Variants in LRP5 observed in about 807,000 individuals in gnomAD.
LRP5 encodes LDL receptor related protein 5, also known as low-density lipoprotein receptor-related protein 5.
Under a neutral mutation model 154.1 loss-of-function variants are expected in LRP5, and 62 were observed. The ratio of observed to expected loss-of-function variants is 0.40; its 90% CI spans 0.33 to 0.50. The LOEUF is 0.50. LRP5 is among the 20% of genes least tolerant of loss of function. The pLI is 0.55. For missense variants in LRP5, 1,915 were observed against 2,336.7 expected (o/e 0.82, Z 3.72); for synonymous variants, 966 against 1,011.5 (o/e 0.96, Z 0.85).
At chr11:68,388,460 G>A (rs866310458) in intron 6 of LRP5, among the ~76,000 whole-genome samples, 9 of 152,038 alleles carry the variant, frequency 5.9e-5, no homozygotes, top group African/African-American at 1.9e-4. Flanking sequence ...GAGGGGCACC[G>A]AGCTGGAAGC....
At chr11:68,365,819 T>A (rs544413464) in intron 5 of LRP5, 117 bp downstream of exon 5, 2 of 1,062,674 alleles carry the variant, frequency 1.9e-6, no homozygotes, top group South Asian at 3.2e-5. Context: ...AATGATCCAC[T>A]TGGCGGGTGT....
intron 5 of LRP5, among the ~76,000 whole-genome samples, chr11:68,369,222 A>G (rs1389508122): frequency 6.6e-6 from 1 of 151,986 alleles, no homozygotes; most frequent in East Asian, 1.9e-4. Flanking sequence ...TGTTTTTGCC[A>G]TTTCTGAGTC....
intron 1 of LRP5, among the ~76,000 whole-genome samples, chr11:68,344,350 G>A (rs186897521): frequency 2.0e-5 from 3 of 151,700 alleles, no homozygotes; most frequent in Admixed American, 1.3e-4. Flanking sequence ...ATGGAGTCTC[G>A]CTCTGTCACC....
intron 1 of LRP5, 124 bp from the exon 2 acceptor site, chr11:68,347,723 G>A: frequency 4.2e-6 from 5 of 1,196,544 alleles, no homozygotes; most frequent in Non-Finnish European, 6.1e-6. Flanking sequence ...TGGGAGGAAG[G>A]AACTGGAGGT....
intron 1 of LRP5, among the ~76,000 whole-genome samples, chr11:68,319,269 C>T (rs536026631): frequency 4.7e-4 from 71 of 151,936 alleles, no homozygotes; most frequent in African/African-American, 1.4e-3. Context: ...GGTTTTGCCA[C>T]GTTGGCCAGG....
At chr11:68,371,618 C>T (rs1034855049) in intron 5 of LRP5, among the ~76,000 whole-genome samples, 5 of 152,388 alleles carry the variant, frequency 3.3e-5, no homozygotes, top group Middle Eastern at 3.4e-3. Flanking sequence ...ATTGGTATTG[C>T]GGCCGTGCGC....
chr11:68,350,623 T>A (rs1176329175), intron 2 of LRP5, among the ~76,000 whole-genome samples: 1 of 152,218 alleles, frequency 6.6e-6, no homozygotes, highest in Non-Finnish European at 1.5e-5. Context: ...ATCCTGCAGA[T>A]GCCCCTCCTC....
chr11:68,329,241 C>T (rs2098601408), intron 1 of LRP5, among the ~76,000 whole-genome samples: 1 of 152,212 alleles, frequency 6.6e-6, no homozygotes, highest in Non-Finnish European at 1.5e-5. Flanking sequence ...ATCTAGACTT[C>T]ATAGACAAAA....
At chr11:68,339,912 C>G (rs2098607951) in intron 1 of LRP5, among the ~76,000 whole-genome samples, 1 of 152,140 alleles carries the variant, frequency 6.6e-6, no homozygotes, top group Non-Finnish European at 1.5e-5. Flanking sequence ...GAGGCACTAC[C>G]AGGCTGTTTT....
chr11:68,315,301 C>T lies in LRP5; in HGVS notation c.91+2496C>T, dbSNP rs537073249. Reference sequence around the variant, plus strand: ...TGTCAGCGTCCTCGATCTTTCTGGCCCCAGCCGGTCTAGAGGCTGTTATTA... The same window carrying T: ...TGTCAGCGTCCTCGATCTTTCTGGCTCCAGCCGGTCTAGAGGCTGTTATTA... On this transcript the variant is annotated intron_variant, in intron 1 of 22. Transcript: ENST00000294304. Among the ~76,000 whole-genome samples, 19 of 152,336 alleles carry T rather than the reference C, an allele frequency of 1.2e-4. No homozygotes were observed. The South Asian group carries it at 3.9e-3, about 32-fold the overall frequency.
At position 68,396,497 on chromosome 11, in the gene LRP5, C is replaced by A. The variant is rs2153158960; in HGVS notation, c.1584+6445C>A. Among the ~76,000 whole-genome samples the A allele has an allele frequency of 2.0e-5, 3 of 152,262 alleles. No individual in the cohort carries two copies. In the East Asian group the frequency reaches 5.8e-4, roughly 29 times the overall value. ...GGCTCCAGGTTTTCAGCATCCAGTG[C>A]ATGAGAGGACTTCACGGGCAGCTGT... On this transcript the variant is annotated intron_variant, in intron 7 of 22. Transcript: ENST00000294304.
chr11:68,369,340 T>A (rs1176206150), intron 5 of LRP5, among the ~76,000 whole-genome samples: 3 of 152,168 alleles, frequency 2.0e-5, no homozygotes, highest in Non-Finnish European at 4.4e-5. Context: ...ATTGGTGATG[T>A]CTGCCTAAAC....
At position 68,436,984 on chromosome 11, in the gene LRP5, G is replaced by C; in HGVS notation, c.4096G>C (p.Asp1366His). The change falls in exon 19 of 23, where the codon GAC becomes CAC. Residue 1366 changes from aspartate (D) to histidine (H), a missense_variant. By Grantham distance (81) the Asp-to-His change is moderately conservative. This residue lies in a region of LRP5 where 1,094 missense variants were observed against 1,210.1 expected (regional missense o/e 0.90). Transcript: ENST00000294304. ...CTTCCCCGACTGTATCGACGGCTCCGACGAGCTCATGTGTGGTGAGCCAGC... is the reference window on the plus strand; with the variant it reads ...CTTCCCCGACTGTATCGACGGCTCCCACGAGCTCATGTGTGGTGAGCCAGC... ...DSFPDCIDGS[D>H]ELMCEITKPP... The C allele has an allele frequency of 6.2e-7, 1 of 1,613,482 alleles. No homozygotes were observed. The highest frequency in any genetic ancestry group is 8.5e-7 in the Non-Finnish European group (1 of 1,179,858).
chr11:68,435,300 T>G (rs546229679), intron 18 of LRP5, among the ~76,000 whole-genome samples: 1 of 152,344 alleles, frequency 6.6e-6, no homozygotes, highest in East Asian at 1.9e-4. Context: ...TGCATTGCTA[T>G]GAAGGAGCAC....
chr11:68,353,716 G>A lies in LRP5; in HGVS notation c.489-3934G>A, dbSNP rs1023536483. On this transcript the variant is annotated intron_variant, in intron 2 of 22. Coordinates refer to ENST00000294304, the MANE Select transcript of LRP5 (RefSeq NM_002335.4). This position sits in a 1 kb window ranked among gnomAD's most constrained non-coding sequence, Gnocchi z 4.5. ...CCTCCTGCAGTGCTGTCCCCCACCA[G>A]GGTCCTTCCTCAGAGGAGGGGGTTC... is the stretch of plus-strand genomic sequence containing the variant. Among the ~76,000 whole-genome samples the A allele has an allele frequency of 6.6e-6, 1 of 152,176 alleles. No homozygotes were observed. Among genetic ancestry groups the A allele is most frequent in the Non-Finnish European group, 1.5e-5 (1 of 68,010 alleles).
chr11:68,435,645 G>T (rs2098674446), intron 18 of LRP5, among the ~76,000 whole-genome samples: 2 of 152,160 alleles, frequency 1.3e-5, no homozygotes, highest in South Asian at 4.1e-4. Context: ...CTGCCCACCA[G>T]GCCCTACCTC....
At chr11:68,393,129 GAAAA>G (rs761823230) in intron 7 of LRP5, among the ~76,000 whole-genome samples, 3 of 142,962 alleles carry the variant, frequency 2.1e-5, no homozygotes, top group Non-Finnish European at 3.0e-5. Flanking sequence ...GACCCTGTCT[GAAAA>G]AAAAAACAAA....
intron 1 of LRP5, among the ~76,000 whole-genome samples, chr11:68,341,687 G>C (rs575903340): frequency 6.6e-6 from 1 of 152,034 alleles, no homozygotes; most frequent in African/African-American, 2.4e-5. Flanking sequence ...CCCACCCCAG[G>C]ACCTTTGCCC....
At chr11:68,302,978 C>T in the LRP5 span, among the ~76,000 whole-genome samples, 1 of 152,184 alleles carries the variant, frequency 6.6e-6, no homozygotes, top group East Asian at 1.9e-4. Context: ...TGCTGGGCCT[C>T]CTGGGATGGC....
Sources: allele counts gnomAD v4.1 joint callset (sites outside exome capture counted in the v4.1 genomes callset), GRCh38; gene constraint gnomAD v4.1.1; regional missense constraint gnomAD v4.1.1; non-coding constraint Gnocchi (gnomAD v3.1); transcripts MANE v1.5; gene names NCBI Gene and HGNC (gene_info 2026-07-23, HGNC 2026-07-21).